The following GBP6 variants were observed in gnomAD, a reference collection of about 807,000 sequenced individuals.
The protein encoded by GBP6 is guanylate-binding protein 6.
GBP6 carries 54 observed loss-of-function variants against 61.5 expected under a neutral mutation model. That is an observed-to-expected ratio of 0.88 (90% CI 0.71 to 1.10). The LOEUF (loss-of-function observed/expected upper bound fraction) is 1.10, where lower values mean the gene tolerates loss of function less well. Ranked by LOEUF, GBP6 falls within the 50% of genes least tolerant of loss-of-function variation. The pLI is 0.00. For missense variants in GBP6, 748 were observed against 752.8 expected (o/e 0.99, Z 0.07); for synonymous variants, 255 against 273.7 (o/e 0.93, Z 0.67).
intron 3 of GBP6, among the ~76,000 whole-genome samples, chr1:89,373,972 T>C (rs1180258867): frequency 6.6e-6 from 1 of 152,000 alleles, no homozygotes; most frequent in African/African-American, 2.4e-5. Context: ...ATCATGTGGG[T>C]GGTTTCCCCA....
At chr1:89,383,897 A>G in intron 9 of GBP6, 143 bp downstream of exon 9, 1 of 824,230 alleles carries the variant, frequency 1.2e-6, no homozygotes. Flanking sequence ...TAACAAGGGG[A>G]GCTATGATTG....
rs1653183763 is a variant in GBP6 at position 89,387,945 on chromosome 1, T to G, written c.*2476T>G. Among the ~76,000 whole-genome samples, 2 of 152,296 alleles carry G rather than the reference T, an allele frequency of 1.3e-5. No homozygotes were observed. Among genetic ancestry groups the G allele is most frequent in the African/African-American group, 4.8e-5 (2 of 41,564 alleles). ...CTGGGCGACAGAGTGAGGCTCTGTCTCAAAAAATTAAACTAAATTAAAGCT... is the reference window on the plus strand; with the variant it reads ...CTGGGCGACAGAGTGAGGCTCTGTCGCAAAAAATTAAACTAAATTAAAGCT... On this transcript the variant is annotated 3_prime_UTR_variant, in exon 11 of 11. Transcript: ENST00000370456.
intron 6 of GBP6, among the ~76,000 whole-genome samples, chr1:89,380,953 C>T (rs1652960305): frequency 6.6e-6 from 1 of 152,020 alleles, no homozygotes; most frequent in South Asian, 2.1e-4. Context: ...GTTCAGTATT[C>T]TTTGCCAAGA....
Position 89,381,973 on chromosome 1 carries a change from T to C in GBP6, c.1151T>C (p.Met384Thr). The C allele has an allele frequency of 2.5e-6, 4 of 1,604,268 alleles. No individual in the cohort carries two copies. The highest frequency in any genetic ancestry group is 1.3e-5 in the African/African-American group (1 of 74,920). The change falls in exon 7 of 11, where the codon ATG becomes ACG. Residue 384 changes from methionine to threonine, a missense_variant and splice_region_variant. Transcript: ENST00000370456. ...DENQEFQKKF[M>T]ETTMNKKGDF... ...AATCAGGAATTCCAGAAGAAGTTCATGGTAATTTGCCTTAGTCATTACTGT... is the reference window on the plus strand; with the variant it reads ...AATCAGGAATTCCAGAAGAAGTTCACGGTAATTTGCCTTAGTCATTACTGT...
In GBP6 at chr1:89,368,786, A is replaced by G. The variant is rs540294925; in HGVS notation, c.190+45A>G. The G allele has an allele frequency of 7.2e-5, 111 of 1,549,074 alleles. 4 individuals carry two copies. The South Asian group carries it at 1.2e-3, about 17-fold the overall frequency. ...ACAGGCCAGTTGCTTGATTCCAGCT[A>G]TATCTCAGCTTCTTGATTCTCTACC... On this transcript the variant is annotated intron_variant, in intron 2 of 10. Transcript: ENST00000370456.
In GBP6 at chr1:89,380,427, T is replaced by A; in HGVS notation, c.667T>A (p.Cys223Ser). 2 of 1,613,774 alleles carry A rather than the reference T, an allele frequency of 1.2e-6. No individual in the cohort carries two copies. The highest frequency in any genetic ancestry group is 8.5e-7 in the Non-Finnish European group (1 of 1,179,786). The stretch of plus-strand genomic sequence containing the variant: ...TCAAACATCCAATTTTCCCAGGGAG[T>A]GCATCAGGCGTTTCTTTCCAAAACG... ...RVQTSNFPRE[C>S]IRRFFPKRKC... Residue 223 changes from cysteine (C) to serine (S), a missense_variant, in exon 6 of 11, where the codon TGC becomes AGC. Transcript: ENST00000370456.
intron 9 of GBP6, 37 bp downstream of exon 9, chr1:89,383,791 G>C: frequency 6.9e-7 from 1 of 1,442,084 alleles, no homozygotes; most frequent in Non-Finnish European, 9.6e-7. Flanking sequence ...GGAGGGGTAC[G>C]TTTATACAAT....
chr1:89,374,377 A>G (rs1488254566), intron 3 of GBP6, among the ~76,000 whole-genome samples: 1 of 152,180 alleles, frequency 6.6e-6, no homozygotes, highest in Non-Finnish European at 1.5e-5. Context: ...CCATATTTAA[A>G]TATAAATATA....
At position 89,378,419 on chromosome 1, in the gene GBP6, A is replaced by C. The variant is rs750835839; in HGVS notation, c.431A>C (p.Tyr144Ser). 3.7e-6 allele frequency: 6 copies of C among 1,612,630 alleles called. No homozygotes were observed. Among genetic ancestry groups the C allele is most frequent in the Non-Finnish European group, 5.1e-6 (6 of 1,179,402 alleles). ...INHQALEQLH[Y>S]VTELTELIKA... ...GCTTTTCCTTACCTAAGTCCTAGTTATGTGACGGAGCTCACAGAACTAATT... is the reference window on the plus strand; with the variant it reads ...GCTTTTCCTTACCTAAGTCCTAGTTCTGTGACGGAGCTCACAGAACTAATT... Residue 144 changes from tyrosine (Y) to serine (S), a missense_variant and splice_region_variant, in exon 5 of 11, where the codon TAT becomes TCT. Coordinates refer to ENST00000370456, the MANE Select transcript of GBP6 (RefSeq NM_198460.3).
Position 89,387,306 on chromosome 1 carries a change from T to A in GBP6, c.*1837T>A, listed in dbSNP as rs546839963. 3.7e-4 allele frequency among the ~76,000 whole-genome samples: 57 copies of A among 152,172 alleles called. No homozygotes were observed. Among genetic ancestry groups the A allele is most frequent in the Admixed American group, 6.5e-4 (10 of 15,272 alleles). On this transcript the variant is annotated 3_prime_UTR_variant, in exon 11 of 11. Coordinates refer to ENST00000370456, the MANE Select transcript of GBP6 (RefSeq NM_198460.3). ...ATCCAAGTTGCCCATGGTACCTAGATCATGGAGAGTCATCGTAAAATGCCT... is the reference window on the plus strand; with the variant it reads ...ATCCAAGTTGCCCATGGTACCTAGAACATGGAGAGTCATCGTAAAATGCCT...
chr1:89,369,742 T>C (rs189252944), intron 3 of GBP6, 69 bp downstream of exon 3: 138 of 1,525,284 alleles, frequency 9.0e-5, no homozygotes, highest in South Asian at 3.4e-4. Flanking sequence ...ACTGTTGTGA[T>C]CTATTTGTGC....
intron 5 of GBP6, among the ~76,000 whole-genome samples, chr1:89,379,109 G>A (rs1652889080): frequency 6.6e-6 from 1 of 152,190 alleles, no homozygotes; most frequent in South Asian, 2.1e-4. Flanking sequence ...GGCTGTACAA[G>A]CATGGCACCA....
chr1:89,369,712 G>C, intron 3 of GBP6, 39 bp downstream of exon 3: 1 of 1,581,552 alleles, frequency 6.3e-7, no homozygotes, highest in Non-Finnish European at 8.6e-7. Context: ...TTTTATTCCA[G>C]ACGTGATCCT....
intron 6 of GBP6, among the ~76,000 whole-genome samples, chr1:89,381,266 CAAA>C (rs769164915): frequency 3.9e-5 from 2 of 51,218 alleles, no homozygotes; most frequent in African/African-American, 7.0e-5. Context: ...GCCTGGGCCT[CAAA>C]AAAAAAAAAA....
At chr1:89,365,284 C>G (rs1196427124) in intron 1 of GBP6, among the ~76,000 whole-genome samples, 1 of 152,148 alleles carries the variant, frequency 6.6e-6, no homozygotes, top group African/African-American at 2.4e-5. Flanking sequence ...AAACCAGAGA[C>G]CTGGTTTATA....
chr1:89,368,699 G>A lies in GBP6; in HGVS notation c.148G>A (p.Gly50Arg), dbSNP rs1463553180. 6.2e-7 allele frequency: 1 copy of A among 1,613,728 alleles called. No individual in the cohort carries two copies. The highest frequency in any genetic ancestry group is 1.1e-5 in the South Asian group (1 of 91,014). ...VVAIVGLYRT[G>R]KSYLMNHLAG... The stretch of plus-strand genomic sequence containing the variant: ...GGCCATTGTAGGACTGTACCGTACA[G>A]GGAAATCCTACTTGATGAACCATCT... Residue 50 changes from glycine to arginine, a missense_variant, in exon 2 of 11, where the codon GGG becomes AGG. Gly to Arg is a moderately radical substitution (Grantham distance 125). Coordinates refer to ENST00000370456, the MANE Select transcript of GBP6 (RefSeq NM_198460.3).
At chr1:89,381,600 G>A (rs1652980756) in intron 6 of GBP6, 94 bp from the exon 7 acceptor site, 8 of 1,265,446 alleles carry the variant, frequency 6.3e-6, no homozygotes, top group East Asian at 2.3e-5. Flanking sequence ...GCACGCGCGT[G>A]TATGTAAGTG....
chr1:89,377,530 T>A (rs938440961), intron 3 of GBP6, among the ~76,000 whole-genome samples: 16 of 152,252 alleles, frequency 1.1e-4, no homozygotes, highest in African/African-American at 3.6e-4. Context: ...GTTCCACTTC[T>A]TATGTACATT....
intron 1 of GBP6, among the ~76,000 whole-genome samples, chr1:89,365,220 A>G (rs886180701): frequency 1.3e-5 from 2 of 152,228 alleles, no homozygotes; most frequent in Non-Finnish European, 2.9e-5. Context: ...AGGATTGAAC[A>G]GCTGTATTTC....
Sources: gnomAD v4.1 joint callset for allele counts (sites outside exome capture counted in the v4.1 genomes callset) on GRCh38, gnomAD v4.1.1 for gene constraint, MANE v1.5 for transcripts, NCBI Gene and HGNC (gene_info 2026-07-23, HGNC 2026-07-21) for gene names.